Variants in PRMT1 observed in about 807,000 individuals in gnomAD.
The protein encoded by PRMT1 is protein arginine methyltransferase 1.
In PRMT1, 5 loss-of-function variants were observed where a neutral mutation model predicts 47.4. The observed-to-expected ratio is 0.11, with a 90% confidence interval of 0.06 to 0.22. The LOEUF is 0.22. Ranked by LOEUF, PRMT1 falls within the 10% of genes least tolerant of loss-of-function variation. PRMT1 has a pLI of 1.00. For synonymous variants in PRMT1, 227 were observed against 204.6 expected (o/e 1.11, Z -0.94); for missense variants, 249 against 518.4 (o/e 0.48, Z 5.05).
chr19:49,688,341 GT>G lies in PRMT1; in HGVS notation c.*100del. 1.7e-6 allele frequency: 2 copies of G among 1,201,612 alleles called. No homozygotes were observed. The highest frequency in any genetic ancestry group is 2.4e-6 in the Non-Finnish European group (2 of 818,610). The allele number at this position is 1,201,612 out of a possible 1,614,324, so 74.4% of individuals were successfully genotyped here. On this transcript the variant is annotated 3_prime_UTR_variant, in exon 11 of 11. Transcript: ENST00000454376. The surrounding 1 kb of genome is among the most constrained non-coding windows in gnomAD (Gnocchi z 5.3). Reference sequence around the variant, plus strand: ...CTCTCCCTCCCTCCCGCAGAAGGGGGTTTTAGGGGCCTGGGCTGGGGGGATG... The same window carrying G: ...CTCTCCCTCCCTCCCGCAGAAGGGGGTTTAGGGGCCTGGGCTGGGGGGATG...
intron 1 of PRMT1, 121 bp downstream of exon 1, chr19:49,677,437 G>T (rs2082052217): frequency 8.4e-6 from 7 of 836,968 alleles, no homozygotes; most frequent in Non-Finnish European, 1.0e-5. Flanking sequence ...GCCGCACACG[G>T]GGGCGCCGCA....
chr19:49,676,233 C>A (rs2082038138), upstream of PRMT1: 1 of 152,254 alleles, frequency 6.6e-6, no homozygotes, highest in African/African-American at 2.4e-5. Flanking sequence ...AACCAAAGAG[C>A]GAGCTCATTC....
At position 49,680,561 on chromosome 19, in the gene PRMT1, C is replaced by T. The variant is rs947141612; in HGVS notation, c.165C>T (p.Asp55=). 42 of 1,613,782 alleles carry T rather than the reference C, an allele frequency of 2.6e-5. No homozygotes were observed. The highest frequency in any genetic ancestry group is 2.9e-5 in the Non-Finnish European group (34 of 1,179,802). ...TGACATCCAAAGATTACTACTTTGA[C>T]TCCTACGCACACTTTGGCATCCACG... is the stretch of plus-strand genomic sequence containing the variant. ...EDMTSKDYYF[D]SYAHFGIHEE... The change falls in exon 3 of 11, where the codon GAC becomes GAT. Residue 55 remains aspartate, a synonymous_variant. Transcript: ENST00000454376. The surrounding 1 kb of genome is among the most constrained non-coding windows in gnomAD (Gnocchi z 4.2).
At chr19:49,676,813 G>A (rs1382089011), upstream of PRMT1, among the ~76,000 whole-genome samples, 2 of 152,214 alleles carry the variant, frequency 1.3e-5, no homozygotes, top group African/African-American at 4.8e-5. Flanking sequence ...GCCGCTTGGC[G>A]AGGGTGGGCC....
chr19:49,679,452 C>T (rs911897139), intron 1 of PRMT1: 41 of 472,628 alleles, frequency 8.7e-5, no homozygotes, highest in East Asian at 3.8e-4. Flanking sequence ...CTGCCAGCCC[C>T]GCTCCCTTCT....
In PRMT1 at chr19:49,684,789, G is replaced by A. The variant is rs138444838; in HGVS notation, c.591G>A (p.Thr197=). Reference sequence around the variant, plus strand: ...GCCTCATCTTCCCAGACCGGGCCACGCTGTATGTGACGGCCATCGAGGACC... The same window carrying A: ...GCCTCATCTTCCCAGACCGGGCCACACTGTATGTGACGGCCATCGAGGACC... ...PDGLIFPDRA[T]LYVTAIEDRQ... is the part of the protein sequence containing the mutation. Residue 197 remains threonine (T), a synonymous_variant, in exon 7 of 11, where the codon ACG becomes ACA. Coordinates refer to ENST00000454376, the MANE Select transcript of PRMT1 (RefSeq NM_001536.6). This position sits in a 1 kb window ranked among gnomAD's most constrained non-coding sequence, Gnocchi z 6.2. 46 of 1,576,646 alleles carry A rather than the reference G, an allele frequency of 2.9e-5. No homozygotes were observed. The highest frequency in any genetic ancestry group is 1.6e-4 in the East Asian group (7 of 42,686).
In PRMT1 at chr19:49,685,266, A is replaced by C; in HGVS notation, c.759+229A>C. The C allele has an allele frequency of 6.9e-7, 1 of 1,458,502 alleles. No individual in the cohort carries two copies. The highest frequency in any genetic ancestry group is 9.1e-7 in the Non-Finnish European group (1 of 1,104,526). 90.3% of individuals were successfully genotyped at this position (1,458,502 alleles called of 1,614,324 possible). A position where few individuals can be genotyped will look rare whatever the true frequency, so the allele number is the denominator to read the frequency against. On this transcript the variant is annotated intron_variant, in intron 8 of 10. Transcript: ENST00000454376. The surrounding 1 kb of genome is among the most constrained non-coding windows in gnomAD (Gnocchi z 4.7). ...CTTGGCACTTGGCTTCTGGCGGAGG[A>C]AACACCCAAAGCTGGCAGCTAAAGC...
chr19:49,684,088 G>A lies in PRMT1; in HGVS notation c.555+19G>A, dbSNP rs774496561. The A allele has an allele frequency of 1.9e-5, 31 of 1,613,234 alleles. No homozygotes were observed. The highest frequency in any genetic ancestry group is 5.0e-5 in the Admixed American group (3 of 59,992). ...GTGGCTGGTGAGGCCCCAGCGGGAC[G>A]GGTGCAGCTCGCGTGGGCTGGGGTC... On this transcript the variant is annotated intron_variant, in intron 6 of 10. Coordinates refer to ENST00000454376, the MANE Select transcript of PRMT1 (RefSeq NM_001536.6). This position sits in a 1 kb window ranked among gnomAD's most constrained non-coding sequence, Gnocchi z 6.2.
At position 49,686,071 on chromosome 19, in the gene PRMT1, C is replaced by T. The variant is rs186547307; in HGVS notation, c.760-22C>T. The T allele has an allele frequency of 3.2e-4, 518 of 1,606,252 alleles. 6 individuals carry two copies. The Admixed American group carries it at 8.5e-3, about 26-fold the overall frequency. On this transcript the variant is annotated intron_variant, in intron 8 of 10. Transcript: ENST00000454376. ...AGCGAGGTGGGGACGCATCCCGGAGCTCGCCCTCTCATGTCCTGCAGGAGG... is the reference window on the plus strand; with the variant it reads ...AGCGAGGTGGGGACGCATCCCGGAGTTCGCCCTCTCATGTCCTGCAGGAGG...
At chr19:49,686,025 A>G (rs1400425925) in intron 8 of PRMT1, 68 bp from the exon 9 acceptor site, 1 of 1,561,752 alleles carries the variant, frequency 6.4e-7, no homozygotes, top group Non-Finnish European at 8.7e-7. Flanking sequence ...CTGGGAGCTT[A>G]AGGGAGGGAG....
chr19:49,684,027 G>A lies in PRMT1; in HGVS notation c.513G>A (p.Glu171=), dbSNP rs756767982. ...SEWMGYCLFY[E]SMLNTVLYAR... ...GGATGGGCTACTGCCTCTTCTACGAGTCCATGCTCAACACCGTGCTCTATG... is the reference window on the plus strand; with the variant it reads ...GGATGGGCTACTGCCTCTTCTACGAATCCATGCTCAACACCGTGCTCTATG... The change falls in exon 6 of 11, where the codon GAG becomes GAA. Residue 171 remains glutamate, a synonymous_variant. Transcript: ENST00000454376. This position sits in a 1 kb window ranked among gnomAD's most constrained non-coding sequence, Gnocchi z 6.2. 2.5e-6 allele frequency: 4 copies of A among 1,614,204 alleles called. No homozygotes were observed. Among genetic ancestry groups the A allele is most frequent in the Non-Finnish European group, 3.4e-6 (4 of 1,180,036 alleles).
rs2082124269 is a variant in PRMT1, at chr19:49,681,972, C to G, written c.255C>G (p.His85Gln). The G allele has an allele frequency of 6.2e-7, 1 of 1,614,190 alleles. No individual in the cohort carries two copies. The highest frequency in any genetic ancestry group is 1.1e-5 in the South Asian group (1 of 91,086). Residue 85 changes from histidine to glutamine, a missense_variant, in exon 4 of 11, where the codon CAC (histidine) becomes CAG (glutamine). Physicochemically the swap from His to Gln is conservative, Grantham distance 24. Transcript: ENST00000454376. The surrounding 1 kb of genome is among the most constrained non-coding windows in gnomAD (Gnocchi z 4.4). ...TYRNSMFHNR[H>Q]LFKDKVVLDV... ...GCAACTCCATGTTTCATAACCGGCA[C>G]CTCTTCAAGGACAAGGTGGTGCTGG...
chr19:49,681,028 A>G lies in PRMT1; in HGVS notation c.192+440A>G, dbSNP rs1007060240. 1.3e-5 allele frequency among the ~76,000 whole-genome samples: 2 copies of G among 152,196 alleles called. No homozygotes were observed. The highest frequency in any genetic ancestry group is 2.9e-5 in the Non-Finnish European group (2 of 68,024). On this transcript the variant is annotated intron_variant, in intron 3 of 10. Transcript: ENST00000454376. This position sits in a 1 kb window ranked among gnomAD's most constrained non-coding sequence, Gnocchi z 4.4. ...TTCCCCCTGAGGCCTTTTTCATAAA[A>G]TTGTGGCAAAATATGCATAAAATTG...
Position 49,685,901 on chromosome 19 carries a change from AC to A in PRMT1, c.760-189del. ...GAGGGAGCAAGGAATCTGGGCTCGAACCCACATGGTTTATTGGGAGCCGGAT... is the reference window on the plus strand; with the variant it reads ...GAGGGAGCAAGGAATCTGGGCTCGAACCACATGGTTTATTGGGAGCCGGAT... On this transcript the variant is annotated intron_variant, in intron 8 of 10. Transcript: ENST00000454376. The surrounding 1 kb of genome is among the most constrained non-coding windows in gnomAD (Gnocchi z 4.7). 1 of 1,415,018 alleles carries A rather than the reference AC, an allele frequency of 7.1e-7. No individual in the cohort carries two copies. The highest frequency in any genetic ancestry group is 9.2e-7 in the Non-Finnish European group (1 of 1,088,524). The allele number at this position is 1,415,018 out of a possible 1,614,324, so 87.7% of individuals were successfully genotyped here. A position where few individuals can be genotyped will look rare whatever the true frequency, so the allele number is the denominator to read the frequency against.
intron 1 of PRMT1, 81 bp from the exon 2 acceptor site, chr19:49,679,791 G>A: frequency 9.2e-7 from 1 of 1,085,570 alleles, no homozygotes. Flanking sequence ...CCACCCCCCG[G>A]CCAGAGCCCA....
Position 49,685,962 on chromosome 19 carries a change from G to T in PRMT1, c.760-131G>T. On this transcript the variant is annotated intron_variant, in intron 8 of 10. Coordinates refer to ENST00000454376, the MANE Select transcript of PRMT1 (RefSeq NM_001536.6). This position sits in a 1 kb window ranked among gnomAD's most constrained non-coding sequence, Gnocchi z 4.7. ...GCAGAGTGAAGGAGGAGCCGAGGCT[G>T]GGTGCCAGTGAGGGAGGGCTAGCAG... The T allele has an allele frequency of 1.4e-6, 2 of 1,480,602 alleles. No individual in the cohort carries two copies. The highest frequency in any genetic ancestry group is 2.4e-5 in the East Asian group (1 of 42,200). The allele number at this position is 1,480,602 out of a possible 1,614,324, so 91.7% of individuals were successfully genotyped here.
rs903261361 is a variant in PRMT1 at position 49,686,873 on chromosome 19, G to C, written c.1032+147G>C. Reference sequence around the variant, plus strand: ...GGATGGGGGCAGCTGGCGGGGGCGAGCACCTCTGCCTATTCCCGGGTCCCC... The same window carrying C: ...GGATGGGGGCAGCTGGCGGGGGCGACCACCTCTGCCTATTCCCGGGTCCCC... On this transcript the variant is annotated intron_variant, in intron 10 of 10. Coordinates refer to ENST00000454376, the MANE Select transcript of PRMT1 (RefSeq NM_001536.6). 22 of 1,056,970 alleles carry C rather than the reference G, an allele frequency of 2.1e-5. No individual in the cohort carries two copies. The East Asian group carries it at 5.6e-4, about 27-fold the overall frequency. 65.5% of individuals were successfully genotyped at this position (1,056,970 alleles called of 1,614,324 possible).
In PRMT1 at chr19:49,685,804, G is replaced by C; in HGVS notation, c.760-289G>C. 1.6e-6 allele frequency: 2 copies of C among 1,237,210 alleles called. No homozygotes were observed. Among genetic ancestry groups the C allele is most frequent in the South Asian group, 4.3e-5 (2 of 47,050 alleles). The allele number at this position is 1,237,210 out of a possible 1,614,324, so 76.6% of individuals were successfully genotyped here. A position where few individuals can be genotyped will look rare whatever the true frequency, so the allele number is the denominator to read the frequency against. ...TTGTCAAGGGGTTGGGGAGACAGTG[G>C]AGTGGGGCGCCTGCATTCTAGGAGG... On this transcript the variant is annotated intron_variant, in intron 8 of 10. Transcript: ENST00000454376. This position sits in a 1 kb window ranked among gnomAD's most constrained non-coding sequence, Gnocchi z 4.7.
At chr19:49,687,514 G>GC (rs398034947) in intron 10 of PRMT1, among the ~76,000 whole-genome samples, 14,892 of 132,350 alleles carry the variant, frequency 0.11, 799 homozygotes, top group Non-Finnish European at 0.14. Flanking sequence ...TCCGCTCCCC[G>GC]CCCCCCCCCA....
Sources: gnomAD v4.1 joint callset for allele counts (sites outside exome capture counted in the v4.1 genomes callset) on GRCh38, gnomAD v4.1.1 for gene constraint, Gnocchi (gnomAD v3.1) non-coding constraint, MANE v1.5 for transcripts, NCBI Gene and HGNC (gene_info 2026-07-23, HGNC 2026-07-21) for gene names.